Variants in FREM1 observed in about 807,000 individuals in gnomAD.
The protein encoded by FREM1 is FRAS1-related extracellular matrix protein 1.
A neutral mutation model predicts 210.1 loss-of-function variants in FREM1; 220 were observed. The ratio of observed to expected loss-of-function variants is 1.05; its 90% CI spans 0.94 to 1.17. The LOEUF (loss-of-function observed/expected upper bound fraction) is 1.17, where lower values mean the gene tolerates loss of function less well. Ranked by LOEUF, FREM1 falls within the 50% of genes most tolerant of loss-of-function variation. The pLI is 0.00. For synonymous variants in FREM1, 1,189 were observed against 980.2 expected (o/e 1.21, Z -3.98); for missense variants, 3,454 against 2,675.5 (o/e 1.29, Z -6.42).
Position 14,883,481 on chromosome 9 carries a change from C to T in FREM1, c.-267-14237G>A, listed in dbSNP as rs1835190394. Among the ~76,000 whole-genome samples the T allele has an allele frequency of 2.0e-5, 3 of 152,042 alleles. No individual in the cohort carries two copies. The South Asian group carries it at 6.2e-4, about 32-fold the overall frequency. ...TGTGGACATTCCATGGAAAATACTG[C>T]TCTTATTTTTGGCTTCAAGAAGGTG... On this transcript the variant is annotated intron_variant, in intron 1 of 36. Coordinates refer to ENST00000380880, the MANE Select transcript of FREM1 (RefSeq NM_001379081.2).
intron 35 of FREM1, among the ~76,000 whole-genome samples, chr9:14,745,195 C>G (rs570622083): frequency 1.3e-5 from 2 of 152,236 alleles, no homozygotes; most frequent in East Asian, 1.9e-4. Context: ...TTGAAATAAT[C>G]TCTACAACAA....
chr9:14,885,415 A>G (rs1347088227), intron 1 of FREM1, among the ~76,000 whole-genome samples: 1 of 151,886 alleles, frequency 6.6e-6, no homozygotes, highest in African/African-American at 2.4e-5. Flanking sequence ...TATGATGTAC[A>G]ACATGATTTT....
At chr9:14,866,600 G>T (rs1831566591) in intron 2 of FREM1, among the ~76,000 whole-genome samples, 1 of 152,170 alleles carries the variant, frequency 6.6e-6, no homozygotes, top group African/African-American at 2.4e-5. Context: ...AGACAGCTTA[G>T]ACAGCTTGCT....
chr9:14,772,408 T>G (rs1847734246), intron 25 of FREM1, among the ~76,000 whole-genome samples: 1 of 152,134 alleles, frequency 6.6e-6, no homozygotes, highest in African/African-American at 2.4e-5. Flanking sequence ...CTATCAGGAA[T>G]AGTTAATGAC....
intron 1 of FREM1, among the ~76,000 whole-genome samples, chr9:14,884,027 G>C (rs142109370): frequency 6.6e-6 from 1 of 152,104 alleles, no homozygotes; most frequent in Non-Finnish European, 1.5e-5. Flanking sequence ...TCAGGAGTTC[G>C]AGCCCAGCCT....
chr9:14,869,841 T>C, intron 1 of FREM1, among the ~76,000 whole-genome samples: 1 of 152,226 alleles, frequency 6.6e-6, no homozygotes, highest in East Asian at 1.9e-4. Context: ...TTTCTGTTTA[T>C]GTGTGAAAGG....
chr9:14,769,685 T>C (rs1290717617), intron 27 of FREM1, 39 bp downstream of exon 27: 2 of 1,595,086 alleles, frequency 1.3e-6, no homozygotes, highest in African/African-American at 2.7e-5. Context: ...ACATTATGGA[T>C]GTAACATATA....
At chr9:14,753,004 T>G (rs1279004698) in intron 29 of FREM1, among the ~76,000 whole-genome samples, 4 of 152,254 alleles carry the variant, frequency 2.6e-5, no homozygotes, top group Non-Finnish European at 5.9e-5. Context: ...TTGGTTTCTA[T>G]GCCTTCCAGG....
Position 14,740,150 on chromosome 9 carries a change from T to C in FREM1, c.6339A>G (p.Ile2113Met). 6.2e-7 allele frequency: 1 copy of C among 1,609,726 alleles called. No individual in the cohort carries two copies. The highest frequency in any genetic ancestry group is 8.5e-7 in the Non-Finnish European group (1 of 1,176,576). ...GCAGCCTCCCTCCCAGATACTTGCCTATCCAAAAGGACTTTCTCCCACCAA... is the reference window on the plus strand; with the variant it reads ...GCAGCCTCCCTCCCAGATACTTGCCCATCCAAAAGGACTTTCTCCCACCAA... Reference protein sequence around the residue: ...WDIGGRKSFWIGLNDQVHAGH... With the variant: ...WDIGGRKSFWMGLNDQVHAGH... The change falls in exon 36 of 37, where the codon ATA becomes ATG. Residue 2113 changes from isoleucine to methionine, a missense_variant and splice_region_variant. Coordinates refer to ENST00000380880, the MANE Select transcript of FREM1 (RefSeq NM_001379081.2).
intron 25 of FREM1, among the ~76,000 whole-genome samples, chr9:14,774,726 T>C (rs1268375497): frequency 2.6e-5 from 4 of 152,124 alleles, no homozygotes; most frequent in African/African-American, 9.7e-5. Context: ...TTGATGTGTT[T>C]TGACTTAAAA....
At position 14,778,934 on chromosome 9, in the gene FREM1, T is replaced by C. The variant is rs148151058; in HGVS notation, c.4443-2731A>G. 2.0e-3 allele frequency among the ~76,000 whole-genome samples: 310 copies of C among 152,132 alleles called. 2 individuals carry two copies. Among genetic ancestry groups the C allele is most frequent in the East Asian group, 0.015 (79 of 5,178 alleles). ...AAAGGAACCTAGAAAAATATGTCTGTTCTTCAAACTTTTTACTTAGTCACC... is the reference window on the plus strand; with the variant it reads ...AAAGGAACCTAGAAAAATATGTCTGCTCTTCAAACTTTTTACTTAGTCACC... On this transcript the variant is annotated intron_variant, in intron 24 of 36. Transcript: ENST00000380880.
intron 27 of FREM1, among the ~76,000 whole-genome samples, chr9:14,762,582 G>A (rs1431932943): frequency 6.6e-6 from 1 of 152,010 alleles, no homozygotes. Context: ...ATAGGTCAAG[G>A]TGGTCATTAC....
intron 5 of FREM1, among the ~76,000 whole-genome samples, 199 bp downstream of exon 5, chr9:14,857,354 G>C (rs1387062414): frequency 6.6e-6 from 1 of 152,118 alleles, no homozygotes; most frequent in Non-Finnish European, 1.5e-5. Flanking sequence ...ACCAGAGAAG[G>C]GAAATTTTAT....
chr9:14,909,905 G>C lies in FREM1; in HGVS notation c.-268+9C>G, dbSNP rs1485591757. ...ACAATGAAAAGAAACACATAAAACAGATACTTACAGGTAGTGGTTTTCCTT... is the reference window on the plus strand; with the variant it reads ...ACAATGAAAAGAAACACATAAAACACATACTTACAGGTAGTGGTTTTCCTT... On this transcript the variant is annotated intron_variant, in intron 1 of 36. Coordinates refer to ENST00000380880, the MANE Select transcript of FREM1 (RefSeq NM_001379081.2). 1 of 152,208 alleles carries C rather than the reference G, an allele frequency of 6.6e-6. No individual in the cohort carries two copies. Among genetic ancestry groups the C allele is most frequent in the Non-Finnish European group, 1.5e-5 (1 of 68,048 alleles). 9.4% of individuals were successfully genotyped at this position (152,208 alleles called of 1,614,324 possible).
At chr9:14,823,027 C>T (rs747477918) in intron 13 of FREM1, 133 bp downstream of exon 13, 1 of 555,080 alleles carries the variant, frequency 1.8e-6, no homozygotes, top group Non-Finnish European at 2.8e-6. Context: ...CTTTTTTTTA[C>T]TACACCATAG....
chr9:14,895,273 A>G (rs746815018), intron 1 of FREM1, among the ~76,000 whole-genome samples: 6 of 152,268 alleles, frequency 3.9e-5, no homozygotes, highest in Admixed American at 6.5e-5. Context: ...TAATAAAGCA[A>G]ATCGGTCTTA....
chr9:14,890,680 A>G (rs1204176337), intron 1 of FREM1, among the ~76,000 whole-genome samples: 1 of 152,210 alleles, frequency 6.6e-6, no homozygotes, highest in African/African-American at 2.4e-5. Flanking sequence ...ATACCTAATA[A>G]GTCTACTTCA....
At chr9:14,878,943 G>A (rs1027671123) in intron 1 of FREM1, among the ~76,000 whole-genome samples, 1 of 152,088 alleles carries the variant, frequency 6.6e-6, no homozygotes, top group African/African-American at 2.4e-5. Flanking sequence ...ATCACCTGAG[G>A]TCAGGAGTTC....
At position 14,775,707 on chromosome 9, in the gene FREM1, C is replaced by CAA. The variant is rs35187926; in HGVS notation, c.4857+80_4857+81dup. ...TGGGTGACAGAGAGAGACTCCCTCT[C>CAA]AAAAAAAAAAAAAAAAAAAAAAAAT... On this transcript the variant is annotated intron_variant, in intron 25 of 36. Coordinates refer to ENST00000380880, the MANE Select transcript of FREM1 (RefSeq NM_001379081.2). The CAA allele has an allele frequency of 5.9e-4, 222 of 375,262 alleles. 1 individual carries two copies. Among genetic ancestry groups the CAA allele is most frequent in the African/African-American group, 2.6e-3 (39 of 15,180 alleles). 23.2% of individuals were successfully genotyped at this position (375,262 alleles called of 1,614,324 possible). A position where few individuals can be genotyped will look rare whatever the true frequency, so the allele number is the denominator to read the frequency against.
Sources: gnomAD v4.1 joint callset for allele counts (sites outside exome capture counted in the v4.1 genomes callset) on GRCh38, gnomAD v4.1.1 for gene constraint, MANE v1.5 for transcripts, NCBI Gene and HGNC (gene_info 2026-07-23, HGNC 2026-07-21) for gene names.